Variants in PKNOX1 observed in about 807,000 individuals in gnomAD.
PKNOX1 encodes PBX/knotted 1 homeobox 1.
A neutral mutation model predicts 51.9 loss-of-function variants in PKNOX1; 15 were observed. That is an observed-to-expected ratio of 0.29 (90% CI 0.19 to 0.45). The LOEUF is 0.45. Among genes scored for constraint, PKNOX1 ranks in the 20% least tolerant of loss-of-function variants. PKNOX1 has a pLI of 1.00. For synonymous variants in PKNOX1, 219 were observed against 211.1 expected, an observed-to-expected ratio of 1.04 and a Z score of -0.32; for missense variants, 462 against 547.5, an observed-to-expected ratio of 0.84 and a Z score of 1.56.
chr21:42,997,066 A>C (rs1448676676), intron 1 of PKNOX1, among the ~76,000 whole-genome samples: 1 of 152,010 alleles, frequency 6.6e-6, no homozygotes, highest in Non-Finnish European at 1.5e-5. Context: ...TTTTTAGTAG[A>C]GATGGGGTTT....
Position 43,004,353 on chromosome 21 carries a change from T to C in PKNOX1, c.-29T>C. 6.6e-7 allele frequency: 1 copy of C among 1,514,402 alleles called. No homozygotes were observed. 93.8% of individuals were successfully genotyped at this position (1,514,402 alleles called of 1,614,324 possible). A position where few individuals can be genotyped will look rare whatever the true frequency, so the allele number is the denominator to read the frequency against. On this transcript the variant is annotated 5_prime_UTR_variant, in exon 2 of 11. Coordinates refer to ENST00000291547, the MANE Select transcript of PKNOX1 (RefSeq NM_004571.5). ...ACCATTCGCTTTTCACCCAAGATGA[T>C]TTGATGTCTTATAAAACTCTGATGA...
chr21:42,977,956 G>A lies in PKNOX1; in HGVS notation c.-57+3292G>A, dbSNP rs1358415481. 2.0e-5 allele frequency among the ~76,000 whole-genome samples: 3 copies of A among 152,090 alleles called. No individual in the cohort carries two copies. In the East Asian group the frequency reaches 5.8e-4, roughly 29 times the overall value. On this transcript the variant is annotated intron_variant, in intron 1 of 10. Coordinates refer to ENST00000291547, the MANE Select transcript of PKNOX1 (RefSeq NM_004571.5). ...TTTAAGGGAATGTTGTGGCTGGTTTGATCTAATCAGACCACTCATACTTTC... is the reference window on the plus strand; with the variant it reads ...TTTAAGGGAATGTTGTGGCTGGTTTAATCTAATCAGACCACTCATACTTTC...
At chr21:43,006,718 G>A (rs1003618950) in intron 2 of PKNOX1, among the ~76,000 whole-genome samples, 6 of 152,056 alleles carry the variant, frequency 3.9e-5, no homozygotes, top group South Asian at 2.1e-4. Context: ...AGGTCTCCCC[G>A]CCCCCGCTGC....
At chr21:42,996,636 G>A (rs1462295301) in intron 1 of PKNOX1, among the ~76,000 whole-genome samples, 1 of 152,198 alleles carries the variant, frequency 6.6e-6, no homozygotes, top group African/African-American at 2.4e-5. Context: ...GACCTTCTCA[G>A]ATGTGTTTGC....
Position 43,007,482 on chromosome 21 carries a change from C to G in PKNOX1, c.52-9C>G. ...TTTGCTAATAAGAATTATCTTCCTC[C>G]TTTTACAGATGCAAGTAGTAACAGA... On this transcript the variant is annotated splice_polypyrimidine_tract_variant and intron_variant, in intron 2 of 10. Coordinates refer to ENST00000291547, the MANE Select transcript of PKNOX1 (RefSeq NM_004571.5). The G allele has an allele frequency of 1.2e-6, 2 of 1,613,220 alleles. No homozygotes were observed. The highest frequency in any genetic ancestry group is 1.3e-5 in the African/African-American group (1 of 74,998).
rs1289267509 is a variant in PKNOX1, at chr21:43,021,353, T to G, written c.771T>G (p.Gly257=). Residue 257 remains glycine, a synonymous_variant, in exon 8 of 11, where the codon GGT becomes GGG. Coordinates refer to ENST00000291547, the MANE Select transcript of PKNOX1 (RefSeq NM_004571.5). The surrounding 1 kb of genome is among the most constrained non-coding windows in gnomAD (Gnocchi z 4.6). ...TCAGCATCTTGCATCAAGATGATGG[T>G]TCATCTAAGAACAAGAGGGGCGTCC... The part of the protein sequence containing the change: ...QDLSILHQDD[G]SSKNKRGVLP... 1 of 1,611,670 alleles carries G rather than the reference T, an allele frequency of 6.2e-7. No homozygotes were observed. Among genetic ancestry groups the G allele is most frequent in the Non-Finnish European group, 8.5e-7 (1 of 1,178,082 alleles).
chr21:43,031,798 A>G lies in PKNOX1; in HGVS notation c.*1697A>G, dbSNP rs1356902235. On this transcript the variant is annotated 3_prime_UTR_variant, in exon 11 of 11. Transcript: ENST00000291547. ...AGAAGTCAGTGGGAAACACACAGAA[A>G]TTTGTTTTAAAATCTTTCAGGAGCT... is the stretch of plus-strand genomic sequence containing the variant. The G allele has an allele frequency of 1.3e-5, 2 of 159,144 alleles. No homozygotes were observed. Among genetic ancestry groups the G allele is most frequent in the Non-Finnish European group, 2.8e-5 (2 of 72,272 alleles). The allele number at this position is 159,144 out of a possible 1,614,324, so 9.9% of individuals were successfully genotyped here.
rs140607342 is a variant in PKNOX1, at chr21:43,007,500, G to C, written c.61G>C (p.Val21Leu). 28 of 1,613,574 alleles carry C rather than the reference G, an allele frequency of 1.7e-5. No homozygotes were observed. Among genetic ancestry groups the C allele is most frequent in the Admixed American group, 3.3e-5 (2 of 59,998 alleles). Residue 21 changes from valine to leucine, a missense_variant, in exon 3 of 11, where the codon GTA (valine) becomes CTA (leucine). Physicochemically the swap from Val to Leu is conservative, Grantham distance 32 (BLOSUM62 1). Coordinates refer to ENST00000291547, the MANE Select transcript of PKNOX1 (RefSeq NM_004571.5). ...SYQDGQQMQV[V>L]TELKTEQDPN... is the part of the protein sequence containing the mutation. ...CTTCCTCCTTTTACAGATGCAAGTA[G>C]TAACAGAGTTAAAGACAGAACAAGA...
chr21:43,019,234 G>A (rs2850141), intron 7 of PKNOX1, among the ~76,000 whole-genome samples: 139,106 of 151,290 alleles, frequency 0.92, 64,157 homozygotes, highest in African/African-American at 0.98. Context: ...CTCTACTAAA[G>A]ATGCAAAAAT....
rs13050372 is a variant in PKNOX1, at chr21:43,030,286, T to C, written c.*185T>C. The stretch of plus-strand genomic sequence containing the variant: ...GTGTGTGTGTGTGTGTGTGTGTGTG[T>C]GTGTGTGCGTGTGTGCGTGTGTGTG... On this transcript the variant is annotated 3_prime_UTR_variant, in exon 11 of 11. Transcript: ENST00000291547. 313 of 328,632 alleles carry C rather than the reference T, an allele frequency of 9.5e-4. 1 individual carries two copies. Among genetic ancestry groups the C allele is most frequent in the South Asian group, 3.1e-3 (42 of 13,530 alleles). 20.4% of individuals were successfully genotyped at this position (328,632 alleles called of 1,614,324 possible).
chr21:43,029,739 G>GTTTTTTTTTTTTTTTTTTTTTTTTTTTTT (rs1003977353), intron 10 of PKNOX1, 151 bp from the exon 11 acceptor site: 1 of 728,862 alleles, frequency 1.4e-6, no homozygotes, highest in Non-Finnish European at 2.3e-6. Context: ...CCCAGAAACA[G>GTTTTTTTTTTTTTTTTTTTTTTTTTTTTT]TTTCTTAAAT....
At chr21:43,003,232 C>T (rs559082357) in intron 1 of PKNOX1, among the ~76,000 whole-genome samples, 35 of 152,350 alleles carry the variant, frequency 2.3e-4, no homozygotes, top group Non-Finnish European at 3.8e-4. Context: ...CTGTGACCTG[C>T]ACCAGCAGCA....
At chr21:43,003,025 G>C (rs1717476326) in intron 1 of PKNOX1, among the ~76,000 whole-genome samples, 1 of 152,230 alleles carries the variant, frequency 6.6e-6, no homozygotes. Context: ...TTGTTCCTTT[G>C]AACTGTCTCG....
At chr21:42,979,747 AAAAG>A (rs144735103) in intron 1 of PKNOX1, among the ~76,000 whole-genome samples, 5,765 of 151,790 alleles carry the variant, frequency 0.038, 138 homozygotes, top group Middle Eastern at 0.062. Flanking sequence ...ATCTCAGAAA[AAAAG>A]AAAAAAGAAA....
chr21:43,018,070 A>AAAAAAT, intron 6 of PKNOX1, 63 bp from the exon 7 acceptor site: 1 of 808,672 alleles, frequency 1.2e-6, no homozygotes. Flanking sequence ...AAAAAAAAAA[A>AAAAAAT]GAAGAATGGT....
At chr21:42,979,011 C>T (rs2059012620) in intron 1 of PKNOX1, among the ~76,000 whole-genome samples, 1 of 152,214 alleles carries the variant, frequency 6.6e-6, no homozygotes, top group African/African-American at 2.4e-5. Context: ...GTGGTTCTCC[C>T]ACCTCAGCCC....
intron 2 of PKNOX1, among the ~76,000 whole-genome samples, chr21:43,006,313 A>G (rs1274753240): frequency 6.6e-6 from 1 of 151,982 alleles, no homozygotes; most frequent in Admixed American, 6.6e-5. Flanking sequence ...TTTAGTAGAG[A>G]CAGGGTTTCA....
At chr21:43,004,241 A>G in intron 1 of PKNOX1, 85 bp from the exon 2 acceptor site, 1 of 618,492 alleles carries the variant, frequency 1.6e-6, no homozygotes, top group Middle Eastern at 2.7e-4. Flanking sequence ...CGGTCTCAAA[A>G]AAAAAAAATT....
chr21:42,985,080 C>T (rs1035846752), intron 1 of PKNOX1, among the ~76,000 whole-genome samples: 6 of 145,020 alleles, frequency 4.1e-5, no homozygotes, highest in African/African-American at 7.7e-5. Flanking sequence ...CTCTGTCTCC[C>T]GGGTTCGAGC....
Sources: allele counts gnomAD v4.1 joint callset (sites outside exome capture counted in the v4.1 genomes callset), GRCh38; gene constraint gnomAD v4.1.1; non-coding constraint Gnocchi (gnomAD v3.1); transcripts MANE v1.5; gene names NCBI Gene and HGNC (gene_info 2026-07-23, HGNC 2026-07-21).